Variants in THADA observed in about 807,000 individuals in gnomAD.
THADA encodes tRNA (32-2'-O)-methyltransferase regulator THADA.
A neutral mutation model predicts 219.8 loss-of-function variants in THADA; 213 were observed. The observed-to-expected ratio is 0.97, with a 90% CI of 0.87 to 1.09. THADA has a LOEUF of 1.09. Among genes scored for constraint, THADA ranks in the 50% least tolerant of loss-of-function variants. The pLI, the probability that THADA is intolerant of heterozygous loss-of-function variation, is 0.00. For missense variants in THADA, 2,956 were observed against 2,311.3 expected, an observed-to-expected ratio of 1.28 and a Z score of -5.72; for synonymous variants, 1,018 against 828.9, an observed-to-expected ratio of 1.23 and a Z score of -3.92.
At chr2:43,592,937 T>C (rs1559041812) in intron 1 of THADA, 2 of 152,258 alleles carry the variant, frequency 1.3e-5, no homozygotes, top group East Asian at 3.8e-4. Flanking sequence ...TCTCTTGAGT[T>C]TGCTTTTATC....
rs533917648 is a variant in THADA, at chr2:43,249,816, TTC to T, written c.5297-16936_5297-16935del. On this transcript the variant is annotated intron_variant, in intron 36 of 37. Transcript: ENST00000405975. ...CCCACCCCCATCCAAGCTGTCTTTC[TTC>T]TGATTACCAGCATCTCTGTGGTGAC... is the stretch of plus-strand genomic sequence containing the variant. Among the ~76,000 whole-genome samples, 49 of 152,350 alleles carry T rather than the reference TTC, an allele frequency of 3.2e-4. 1 individual carries two copies. In the South Asian group the frequency reaches 9.7e-3, roughly 30 times the overall value.
At chr2:43,278,729 A>T (rs1673006984) in intron 36 of THADA, among the ~76,000 whole-genome samples, 1 of 152,210 alleles carries the variant, frequency 6.6e-6, no homozygotes, top group Non-Finnish European at 1.5e-5. Flanking sequence ...CTGAGGATTC[A>T]GATCCTGGAA....
At chr2:43,288,234 C>T (rs1443259802) in intron 34 of THADA, among the ~76,000 whole-genome samples, 1 of 152,220 alleles carries the variant, frequency 6.6e-6, no homozygotes, top group East Asian at 1.9e-4. Context: ...GCCAGGCCAA[C>T]ATGGTGAAAC....
At chr2:43,349,116 G>C (rs141692847) in intron 29 of THADA, among the ~76,000 whole-genome samples, 1 of 152,316 alleles carries the variant, frequency 6.6e-6, no homozygotes, top group East Asian at 1.9e-4. Context: ...GAACTGCCAA[G>C]AGATGGGACT....
chr2:43,292,900 C>T lies in THADA; in HGVS notation c.4752G>A (p.Leu1584=). The part of the protein sequence containing the change: ...GLGEKGVPPL[L]CNMGEKFLLL... ...ATAAGAACTTCTCTCCCATGTTGCA[C>T]AGCAAGGGTGGCACGCCCTTCTCTC... is the stretch of plus-strand genomic sequence containing the variant. The change falls in exon 32 of 38, where the codon CTG becomes CTA. Residue 1584 remains leucine (L), a synonymous_variant. Coordinates refer to ENST00000405975, the MANE Select transcript of THADA (RefSeq NM_022065.5). 3 of 1,614,010 alleles carry T rather than the reference C, an allele frequency of 1.9e-6. No individual in the cohort carries two copies. Among genetic ancestry groups the T allele is most frequent in the Non-Finnish European group, 2.5e-6 (3 of 1,179,900 alleles).
chr2:43,586,641 G>A, intron 6 of THADA, 61 bp downstream of exon 6: 1 of 1,545,146 alleles, frequency 6.5e-7, no homozygotes, highest in Non-Finnish European at 8.8e-7. Flanking sequence ...AAAAGAGCCA[G>A]TTCCAAAATG....
At chr2:43,393,974 G>C (rs917644793) in intron 29 of THADA, among the ~76,000 whole-genome samples, 14 of 152,128 alleles carry the variant, frequency 9.2e-5, no homozygotes, top group African/African-American at 3.1e-4. Context: ...GATTTCTTGA[G>C]AGTGATAAGT....
At chr2:43,269,509 C>T (rs1200874596) in intron 36 of THADA, among the ~76,000 whole-genome samples, 2 of 152,164 alleles carry the variant, frequency 1.3e-5, no homozygotes, top group Admixed American at 1.3e-4. Flanking sequence ...GGAGCCGCTG[C>T]CAGTGACGCA....
chr2:43,315,560 T>C (rs764676672), intron 31 of THADA, among the ~76,000 whole-genome samples: 35 of 152,138 alleles, frequency 2.3e-4, no homozygotes, highest in Non-Finnish European at 4.4e-4. Flanking sequence ...ACTCCTGGGT[T>C]GAAGGGATCC....
chr2:43,521,788 A>C (rs922769298), intron 22 of THADA, among the ~76,000 whole-genome samples: 2 of 152,246 alleles, frequency 1.3e-5, no homozygotes, highest in Non-Finnish European at 2.9e-5. Context: ...ATAAGAATAA[A>C]ACCCGCAGAC....
At chr2:43,343,692 C>CGGG (rs1558612402) in intron 30 of THADA, 1 of 153,074 alleles carries the variant, frequency 6.5e-6, no homozygotes, top group Non-Finnish European at 1.5e-5. Flanking sequence ...AGGCAACTTC[C>CGGG]ATCCCCTCTT....
intron 22 of THADA, among the ~76,000 whole-genome samples, chr2:43,517,681 C>T (rs954652633): frequency 1.3e-5 from 2 of 152,116 alleles, no homozygotes; most frequent in Non-Finnish European, 1.5e-5. Flanking sequence ...CTCTATCAAA[C>T]GCACGTGCAC....
chr2:43,507,912 T>C lies in THADA; in HGVS notation c.3507+736A>G, dbSNP rs560263435. Among the ~76,000 whole-genome samples the C allele has an allele frequency of 4.6e-5, 7 of 152,320 alleles. No individual in the cohort carries two copies. The East Asian group carries it at 1.3e-3, about 29-fold the overall frequency. ...CTGATATGAAGCAATCTTTAAGGTA[T>C]AATACTAAGTGAAATCAAAGAGCAA... On this transcript the variant is annotated intron_variant, in intron 23 of 37. Transcript: ENST00000405975.
At chr2:43,592,101 G>C in intron 2 of THADA, 55 bp from the exon 3 acceptor site, 2 of 1,398,122 alleles carry the variant, frequency 1.4e-6, no homozygotes, top group Non-Finnish European at 9.7e-7. Context: ...AGTTAACTTT[G>C]CCTTTGTTGT....
At chr2:43,558,403 T>A (rs137941841) in intron 16 of THADA, among the ~76,000 whole-genome samples, 6 of 152,246 alleles carry the variant, frequency 3.9e-5, no homozygotes, top group African/African-American at 1.4e-4. Flanking sequence ...CTTGATTGGA[T>A]TGAAGGATGC....
intron 26 of THADA, among the ~76,000 whole-genome samples, chr2:43,438,184 C>A (rs1277874663): frequency 6.6e-6 from 1 of 151,688 alleles, no homozygotes; most frequent in Non-Finnish European, 1.5e-5. Context: ...CGCCTGTAGT[C>A]CCAGCTACTC....
intron 26 of THADA, among the ~76,000 whole-genome samples, chr2:43,449,346 A>G (rs190034465): frequency 6.6e-6 from 1 of 152,308 alleles, no homozygotes; most frequent in Admixed American, 6.5e-5. Flanking sequence ...TCAGGTGAAC[A>G]AACATTATGG....
intron 7 of THADA, among the ~76,000 whole-genome samples, chr2:43,585,346 CAAA>C (rs34682195): frequency 1.2e-3 from 115 of 95,294 alleles, no homozygotes; most frequent in African/African-American, 2.0e-3. Context: ...CTCATTCCTA[CAAA>C]AAAAAAAAAA....
intron 28 of THADA, among the ~76,000 whole-genome samples, chr2:43,416,475 A>G (rs1263141858): frequency 6.6e-6 from 1 of 152,216 alleles, no homozygotes; most frequent in East Asian, 1.9e-4. Flanking sequence ...AACTGAACAG[A>G]AAAATCTCAT....
Sources: allele counts gnomAD v4.1 joint callset (sites outside exome capture counted in the v4.1 genomes callset), GRCh38; gene constraint gnomAD v4.1.1; transcripts MANE v1.5; gene names NCBI Gene and HGNC (gene_info 2026-07-23, HGNC 2026-07-21).